TRPV3: variants seen among roughly 807,000 people sequenced by gnomAD.
TRPV3 encodes transient receptor potential cation channel subfamily V member 3, also known as VRL-3.
In TRPV3, 88 loss-of-function variants were observed where a neutral mutation model predicts 87.1. That is an observed-to-expected ratio of 1.01 (90% CI 0.85 to 1.21). The LOEUF is 1.21. Ranked by LOEUF, TRPV3 falls within the 50% of genes most tolerant of loss-of-function variation. The pLI, the probability that TRPV3 is intolerant of heterozygous loss-of-function variation, is 0.00. For synonymous variants in TRPV3, 438 were observed against 423.3 expected (o/e 1.03, Z -0.43); for missense variants, 1,054 against 1,030.1 (o/e 1.02, Z -0.32).
At chr17:3,548,787 T>C (rs2074547315) in intron 2 of TRPV3, among the ~76,000 whole-genome samples, 2 of 152,148 alleles carry the variant, frequency 1.3e-5, no homozygotes, top group Admixed American at 6.5e-5. Flanking sequence ...AAAGCCTGGG[T>C]TCTAGTCCAG....
At chr17:3,525,384 G>A (rs1464745976) in intron 12 of TRPV3, among the ~76,000 whole-genome samples, 1 of 152,080 alleles carries the variant, frequency 6.6e-6, no homozygotes, top group African/African-American at 2.4e-5. Flanking sequence ...CTATATGACT[G>A]TACCTAAAAT....
Position 3,532,672 on chromosome 17 carries a change from C to G in TRPV3, c.1050G>C (p.Lys350Asn). ...DGLTPLQLAAKMGKAEILKYI... is the reference protein window; with the variant it reads ...DGLTPLQLAANMGKAEILKYI... ...ATGGCCCCACCTCCGCCTTGCCCAT[C>G]TTGGCGGCCAGCTGCAGCGGCGTGA... Residue 350 changes from lysine to asparagine, a missense_variant, in exon 8 of 18, where the codon AAG becomes AAC. Lys to Asn is a moderately conservative substitution (Grantham distance 94). Coordinates refer to ENST00000576742, the MANE Select transcript of TRPV3 (RefSeq NM_145068.4). 1 of 1,614,208 alleles carries G rather than the reference C, an allele frequency of 6.2e-7. No homozygotes were observed. The highest frequency in any genetic ancestry group is 8.5e-7 in the Non-Finnish European group (1 of 1,180,046).
chr17:3,540,834 A>G (rs989037269), intron 6 of TRPV3, among the ~76,000 whole-genome samples: 6 of 152,202 alleles, frequency 3.9e-5, no homozygotes, highest in African/African-American at 1.4e-4. Context: ...TGGTTCATCC[A>G]GTTTCTCTCT....
intron 14 of TRPV3, among the ~76,000 whole-genome samples, chr17:3,520,015 CGG>C: frequency 1.7e-5 from 1 of 60,522 alleles, no homozygotes; most frequent in South Asian, 4.2e-4. Context: ...GATGGATGGA[CGG>C]ATAGACAGGT....
chr17:3,533,094 C>A (rs2150792454), intron 7 of TRPV3, among the ~76,000 whole-genome samples, 157 bp from the exon 8 acceptor site: 1 of 152,270 alleles, frequency 6.6e-6, no homozygotes, highest in South Asian at 2.1e-4. Context: ...AAGAGTGAAG[C>A]TAGATCACTG....
At position 3,513,678 on chromosome 17, in the gene TRPV3, G is replaced by T. The variant is rs2074142995; in HGVS notation, c.*239C>A. On this transcript the variant is annotated 3_prime_UTR_variant, in exon 18 of 18. Coordinates refer to ENST00000576742, the MANE Select transcript of TRPV3 (RefSeq NM_145068.4). ...GGCTCCCAGGCTCCAGACTGCTGCT[G>T]GCTGTAGGTTTACACCAGCTGTTTG... 2.3e-6 allele frequency: 1 copy of T among 440,596 alleles called. No individual in the cohort carries two copies. The highest frequency in any genetic ancestry group is 4.0e-6 in the Non-Finnish European group (1 of 248,094). The allele number at this position is 440,596 out of a possible 1,614,324, so 27.3% of individuals were successfully genotyped here.
At chr17:3,529,905 G>A in intron 9 of TRPV3, 122 bp downstream of exon 9, 2 of 1,107,812 alleles carry the variant, frequency 1.8e-6, no homozygotes, top group Admixed American at 2.6e-5. Flanking sequence ...GCAACAGAGT[G>A]GGGTATGCAG....
At chr17:3,524,959 C>A (rs1197292198) in intron 12 of TRPV3, among the ~76,000 whole-genome samples, 1 of 152,140 alleles carries the variant, frequency 6.6e-6, no homozygotes, top group East Asian at 1.9e-4. Flanking sequence ...AATATCTATA[C>A]TTAAAAGCCA....
intron 6 of TRPV3, among the ~76,000 whole-genome samples, chr17:3,539,288 T>C (rs1262662690): frequency 2.0e-5 from 3 of 151,008 alleles, no homozygotes; most frequent in African/African-American, 7.3e-5. Context: ...AGTATATGGG[T>C]AAAGGACTTA....
At chr17:3,544,813 A>G (rs770891849) in intron 3 of TRPV3, 148 bp from the exon 4 acceptor site, 4 of 642,838 alleles carry the variant, frequency 6.2e-6, no homozygotes, top group Non-Finnish European at 1.1e-5. Flanking sequence ...CCTGGCCAAC[A>G]TGGTGAAACT....
At chr17:3,549,647 G>A (rs1353722832) in intron 2 of TRPV3, among the ~76,000 whole-genome samples, 1 of 152,134 alleles carries the variant, frequency 6.6e-6, no homozygotes, top group Non-Finnish European at 1.5e-5. Flanking sequence ...AGGGATGGGT[G>A]GATGATGGAT....
rs1298462877 is a variant in TRPV3, at chr17:3,511,101, T to A, written c.*2816A>T. 1.3e-5 allele frequency: 2 copies of A among 152,230 alleles called. No homozygotes were observed. Among genetic ancestry groups the A allele is most frequent in the Admixed American group, 6.5e-5 (1 of 15,272 alleles). 9.4% of individuals were successfully genotyped at this position (152,230 alleles called of 1,614,324 possible). A position where few individuals can be genotyped will look rare whatever the true frequency, so the allele number is the denominator to read the frequency against. On this transcript the variant is annotated 3_prime_UTR_variant, in exon 18 of 18. Coordinates refer to ENST00000576742, the MANE Select transcript of TRPV3 (RefSeq NM_145068.4). ...ACCTTCCCCTGAAATTACTGAAATG[T>A]CAATCACGGAGTTTTAGGATGTCCT...
intron 6 of TRPV3, among the ~76,000 whole-genome samples, chr17:3,538,856 A>G (rs1227179155): frequency 6.6e-6 from 1 of 152,224 alleles, no homozygotes; most frequent in Non-Finnish European, 1.5e-5. Flanking sequence ...AAGTGCTGGG[A>G]TTACAGGCAT....
chr17:3,548,044 G>A (rs1034789451), intron 2 of TRPV3, among the ~76,000 whole-genome samples: 3 of 152,218 alleles, frequency 2.0e-5, no homozygotes, highest in Admixed American at 2.0e-4. Context: ...CTGCCCTGCA[G>A]CTGCTACAGG....
chr17:3,539,297 TAA>T (rs986583611), intron 6 of TRPV3, among the ~76,000 whole-genome samples: 1 of 143,936 alleles, frequency 6.9e-6, no homozygotes. Context: ...GTAAAGGACT[TAA>T]AAAAAAAAAA....
chr17:3,533,436 T>C (rs1339142042), intron 7 of TRPV3, among the ~76,000 whole-genome samples: 1 of 152,080 alleles, frequency 6.6e-6, no homozygotes, highest in Admixed American at 6.6e-5. Context: ...ACCACTCTAT[T>C]TAAAATTAAA....
At chr17:3,531,948 C>T (rs189888477) in intron 8 of TRPV3, among the ~76,000 whole-genome samples, 2 of 152,342 alleles carry the variant, frequency 1.3e-5, no homozygotes, top group South Asian at 2.1e-4. Flanking sequence ...CACCACCCCC[C>T]AGTGTCCTCT....
chr17:3,522,824 A>C (rs9944479), intron 13 of TRPV3, among the ~76,000 whole-genome samples: 22,797 of 105,292 alleles, frequency 0.22, 2,614 homozygotes, highest in African/African-American at 0.42. Flanking sequence ...CACAAACAAA[A>C]AAAAAAAAAA....
At chr17:3,534,399 AT>A (rs2074380257) in intron 7 of TRPV3, among the ~76,000 whole-genome samples, 1 of 152,176 alleles carries the variant, frequency 6.6e-6, no homozygotes, top group Admixed American at 6.5e-5. Flanking sequence ...CATTAAAAAA[AT>A]AAAAATAAAA....
Sources: gnomAD v4.1 joint callset for allele counts (sites outside exome capture counted in the v4.1 genomes callset) on GRCh38, gnomAD v4.1.1 for gene constraint, MANE v1.5 for transcripts, NCBI Gene and HGNC (gene_info 2026-07-23, HGNC 2026-07-21) for gene names.